The following EPHA6 variants were observed in gnomAD, a reference collection of about 807,000 sequenced individuals.
The protein encoded by EPHA6 is EPH receptor A6.
Under a neutral mutation model 112.0 loss-of-function variants are expected in EPHA6, and 50 were observed. That is an observed-to-expected ratio of 0.45 (90% CI 0.36 to 0.56). EPHA6 has a LOEUF of 0.56. Ranked by LOEUF, EPHA6 falls within the 20% of genes least tolerant of loss-of-function variation. The pLI is 0.00. For synonymous variants in EPHA6, 529 were observed against 490.7 expected, an observed-to-expected ratio of 1.08 and a Z score of -1.03; for missense variants, 1,280 against 1,417.4, an observed-to-expected ratio of 0.90 and a Z score of 1.56.
chr3:97,019,392 G>A (rs1312154736), intron 3 of EPHA6, among the ~76,000 whole-genome samples: 1 of 152,020 alleles, frequency 6.6e-6, no homozygotes, highest in East Asian at 1.9e-4. Context: ...TATTTGAGGA[G>A]GCACTCCACA....
chr3:97,668,667 A>G (rs918471546), intron 14 of EPHA6, among the ~76,000 whole-genome samples: 1 of 151,998 alleles, frequency 6.6e-6, no homozygotes, highest in Non-Finnish European at 1.5e-5. Flanking sequence ...TAATCCCAGC[A>G]CTTTGGGAGG....
chr3:96,839,261 G>A (rs1473005591), intron 1 of EPHA6, among the ~76,000 whole-genome samples: 1 of 152,108 alleles, frequency 6.6e-6, no homozygotes, highest in Non-Finnish European at 1.5e-5. Flanking sequence ...ACCGCCTAGT[G>A]TCACCTCCCG....
chr3:97,591,452 G>C (rs907797176), intron 11 of EPHA6, among the ~76,000 whole-genome samples: 1 of 152,146 alleles, frequency 6.6e-6, no homozygotes, highest in Non-Finnish European at 1.5e-5. Flanking sequence ...GAGCATGAAA[G>C]GAAAGACCCC....
At chr3:97,184,312 C>T (rs1454175472) in intron 3 of EPHA6, among the ~76,000 whole-genome samples, 1 of 152,082 alleles carries the variant, frequency 6.6e-6, no homozygotes, top group Non-Finnish European at 1.5e-5. Flanking sequence ...CTAAGGGATT[C>T]TTCCTTTCCC....
chr3:97,273,227 G>A (rs2079952388), intron 5 of EPHA6, among the ~76,000 whole-genome samples: 1 of 152,206 alleles, frequency 6.6e-6, no homozygotes. Flanking sequence ...TGCCTAAGGA[G>A]ATTCAGCATA....
At chr3:96,903,386 C>T (rs1007202474) in intron 2 of EPHA6, among the ~76,000 whole-genome samples, 10 of 152,088 alleles carry the variant, frequency 6.6e-5, no homozygotes, top group Non-Finnish European at 1.2e-4. Context: ...GATCAGGGTT[C>T]ATATGTTATA....
At chr3:97,664,629 G>A (rs1209532671) in intron 14 of EPHA6, among the ~76,000 whole-genome samples, 2 of 152,114 alleles carry the variant, frequency 1.3e-5, no homozygotes, top group Non-Finnish European at 2.9e-5. Context: ...AAATTCTCAG[G>A]ATACAAAATC....
Position 97,275,138 on chromosome 3 carries a change from G to A in EPHA6, c.1606+30851G>A, listed in dbSNP as rs150174436. On this transcript the variant is annotated intron_variant, in intron 5 of 17. Transcript: ENST00000389672. ...CAGAAAGGCTACAGGGTGTGGTCCC[G>A]GCTCCTGTGTAAGAATTCTGACCAC... Among the ~76,000 whole-genome samples the A allele has an allele frequency of 2.9e-3, 449 of 152,238 alleles. 3 individuals carry two copies. The highest frequency in any genetic ancestry group is 0.01 in the African/African-American group (417 of 41,548).
At chr3:97,631,442 T>C (rs1449100323) in intron 13 of EPHA6, among the ~76,000 whole-genome samples, 1 of 151,960 alleles carries the variant, frequency 6.6e-6, no homozygotes, top group East Asian at 1.9e-4. Flanking sequence ...AAGTCAAAGG[T>C]TTGGAATTAA....
At chr3:97,241,777 T>G (rs577941971) in intron 4 of EPHA6, among the ~76,000 whole-genome samples, 33 of 150,232 alleles carry the variant, frequency 2.2e-4, no homozygotes, top group South Asian at 1.0e-3. Flanking sequence ...TTTTGTTTTT[T>G]TTTTTAGTAT....
intron 3 of EPHA6, among the ~76,000 whole-genome samples, chr3:97,072,920 A>G (rs2046404169): frequency 1.3e-5 from 2 of 152,106 alleles, no homozygotes; most frequent in African/African-American, 2.4e-5. Context: ...GAGTTTTTCT[A>G]AGTTTCAGGA....
rs75427421 is a variant in EPHA6, at chr3:97,181,103, G to A, written c.1115-45161G>A. Reference sequence around the variant, plus strand: ...TGTTGGTTTAAATGATCTTTTTGTGGGTGGGCACCAGGTGCGTTTGGTCTG... The same window carrying A: ...TGTTGGTTTAAATGATCTTTTTGTGAGTGGGCACCAGGTGCGTTTGGTCTG... On this transcript the variant is annotated intron_variant, in intron 3 of 17. Transcript: ENST00000389672. Among the ~76,000 whole-genome samples the A allele has an allele frequency of 2.5e-3, 383 of 152,064 alleles. 9 individuals carry two copies. In the East Asian group the frequency reaches 0.066, roughly 26 times the overall value.
intron 11 of EPHA6, among the ~76,000 whole-genome samples, chr3:97,539,292 C>T (rs1337101380): frequency 1.3e-5 from 2 of 151,670 alleles, no homozygotes; most frequent in Non-Finnish European, 2.9e-5. Context: ...GGACTACAGG[C>T]ACATACCACC....
rs919555864 is a variant in EPHA6, at chr3:96,866,792, T to C, written c.386-33T>C. Reference sequence around the variant, plus strand: ...ATATATTTTTGCATTAGTTGAGAAATTCATGGAATTTTTATTTTCTATTTA... The same window carrying C: ...ATATATTTTTGCATTAGTTGAGAAACTCATGGAATTTTTATTTTCTATTTA... On this transcript the variant is annotated intron_variant, in intron 1 of 17. Coordinates refer to ENST00000389672, the MANE Select transcript of EPHA6 (RefSeq NM_001080448.3). 3.1e-6 allele frequency: 4 copies of C among 1,282,044 alleles called. No homozygotes were observed. The African/African-American group carries it at 4.7e-5, about 15-fold the overall frequency. The allele number at this position is 1,282,044 out of a possible 1,614,324, so 79.4% of individuals were successfully genotyped here.
chr3:97,319,635 A>C (rs180732782), intron 5 of EPHA6, among the ~76,000 whole-genome samples: 3 of 148,592 alleles, frequency 2.0e-5, no homozygotes, highest in East Asian at 4.0e-4. Flanking sequence ...GCCTCACTGC[A>C]CTCCAGCCTG....
intron 11 of EPHA6, among the ~76,000 whole-genome samples, chr3:97,582,400 G>T (rs2093446679): frequency 6.6e-6 from 1 of 152,072 alleles, no homozygotes; most frequent in Non-Finnish European, 1.5e-5. Context: ...ACTGAAGAGT[G>T]ACATAATCTA....
At chr3:97,132,512 G>T (rs2075658366) in intron 3 of EPHA6, among the ~76,000 whole-genome samples, 1 of 152,004 alleles carries the variant, frequency 6.6e-6, no homozygotes, top group East Asian at 1.9e-4. Context: ...CTTACGTGAT[G>T]ATATTTAAGG....
At chr3:97,347,235 A>C (rs1277795592) in intron 5 of EPHA6, among the ~76,000 whole-genome samples, 1 of 151,908 alleles carries the variant, frequency 6.6e-6, no homozygotes. Flanking sequence ...TATCTTCATA[A>C]TTTACTTCAC....
At chr3:97,083,511 G>C (rs1325945471) in intron 3 of EPHA6, among the ~76,000 whole-genome samples, 1 of 151,942 alleles carries the variant, frequency 6.6e-6, no homozygotes, top group Non-Finnish European at 1.5e-5. Flanking sequence ...GGCAGACCAA[G>C]ACTGATCCTG....
Sources: allele counts gnomAD v4.1 joint callset (sites outside exome capture counted in the v4.1 genomes callset), GRCh38; gene constraint gnomAD v4.1.1; transcripts MANE v1.5; gene names NCBI Gene and HGNC (gene_info 2026-07-23, HGNC 2026-07-21).